The following SLC30A8 variants were observed in gnomAD, a reference collection of about 807,000 sequenced individuals.
The protein encoded by SLC30A8 is solute carrier family 30 member 8.
A neutral mutation model predicts 36.9 loss-of-function variants in SLC30A8; 27 were observed. The observed-to-expected ratio is 0.73, with a 90% CI of 0.54 to 1.01. The LOEUF is 1.01. Among genes scored for constraint, SLC30A8 ranks in the 50% least tolerant of loss-of-function variants. SLC30A8 has a pLI of 0.00. For missense variants in SLC30A8, 439 were observed against 452.0 expected, an observed-to-expected ratio of 0.97 and a Z score of 0.26; for synonymous variants, 164 against 172.4, an observed-to-expected ratio of 0.95 and a Z score of 0.38.
chr8:117,157,955 C>A, intron 4 of SLC30A8, 111 bp downstream of exon 4: 4 of 1,231,318 alleles, frequency 3.2e-6, no homozygotes, highest in Admixed American at 2.2e-5. Context: ...AGAGACTGGA[C>A]AGAGTGTTTG....
At chr8:117,098,010 A>G (rs1483493645) in intron 2 of SLC30A8, among the ~76,000 whole-genome samples, 2 of 131,322 alleles carry the variant, frequency 1.5e-5, no homozygotes, top group East Asian at 2.1e-4. Context: ...TATAATATAT[A>G]TTTATTTTAA....
At chr8:117,095,401 TAGTA>T (rs1246300909) in intron 2 of SLC30A8, among the ~76,000 whole-genome samples, 1 of 152,096 alleles carries the variant, frequency 6.6e-6, no homozygotes, top group Non-Finnish European at 1.5e-5. Context: ...TAACTAGTGT[TAGTA>T]GTTAGTGTTA....
chr8:117,172,471 G>A (rs1200549631), intron 7 of SLC30A8, 65 bp from the exon 8 acceptor site: 17 of 1,608,476 alleles, frequency 1.1e-5, no homozygotes, highest in Non-Finnish European at 1.4e-5. Flanking sequence ...CTTGAAGTTG[G>A]AGTCAGAGCA....
At chr8:117,027,063 C>T (rs1262654760) in intron 1 of SLC30A8, among the ~76,000 whole-genome samples, 1 of 152,168 alleles carries the variant, frequency 6.6e-6, no homozygotes, top group South Asian at 2.1e-4. Flanking sequence ...GGCATTATCA[C>T]TGAGTAGCAC....
intron 1 of SLC30A8, among the ~76,000 whole-genome samples, chr8:116,987,513 C>T (rs1460670061): frequency 2.0e-5 from 3 of 151,920 alleles, no homozygotes; most frequent in Non-Finnish European, 4.4e-5. Context: ...AAATTTAATT[C>T]TACATCTGTT....
At chr8:117,119,390 G>T (rs1820591393) in intron 2 of SLC30A8, among the ~76,000 whole-genome samples, 1 of 151,896 alleles carries the variant, frequency 6.6e-6, no homozygotes, top group South Asian at 2.1e-4. Flanking sequence ...GTTTCTAAAG[G>T]AAAGGGGAAA....
intron 1 of SLC30A8, among the ~76,000 whole-genome samples, chr8:116,999,714 A>G (rs553338368): frequency 2.0e-5 from 3 of 152,298 alleles, no homozygotes; most frequent in South Asian, 2.1e-4. Context: ...TTAGTATCCC[A>G]CTTCACACCA....
intron 1 of SLC30A8, chr8:117,039,189 T>A (rs2130753439): frequency 6.6e-6 from 1 of 152,322 alleles, no homozygotes; most frequent in Non-Finnish European, 1.5e-5. Context: ...CACCTTCAGT[T>A]TAGTTGCTCA....
At chr8:117,133,780 A>G (rs894683232), upstream of SLC30A8, among the ~76,000 whole-genome samples, 3 of 151,980 alleles carry the variant, frequency 2.0e-5, no homozygotes, top group Non-Finnish European at 4.4e-5. Flanking sequence ...TTGTAAGGTT[A>G]AGAGTAAGAA....
chr8:117,044,165 GA>G (rs1817475037), intron 2 of SLC30A8, among the ~76,000 whole-genome samples: 1 of 152,172 alleles, frequency 6.6e-6, no homozygotes, highest in Non-Finnish European at 1.5e-5. Flanking sequence ...TTACCCAAGT[GA>G]AGAGCCTGGG....
At chr8:116,976,652 G>T (rs1480801965) in intron 1 of SLC30A8, among the ~76,000 whole-genome samples, 1 of 152,086 alleles carries the variant, frequency 6.6e-6, no homozygotes, top group South Asian at 2.1e-4. Flanking sequence ...AGCCAGGAGC[G>T]CAGAGGGCAA....
At chr8:117,167,743 T>C (rs182609067) in intron 6 of SLC30A8, among the ~76,000 whole-genome samples, 3 of 152,246 alleles carry the variant, frequency 2.0e-5, no homozygotes, top group Admixed American at 2.0e-4. Context: ...ATGATGTAAT[T>C]ACCACCCTTG....
Position 117,157,845 on chromosome 8 carries a change from G to A in SLC30A8, c.572+1G>A, listed in dbSNP as rs745417013. The stretch of plus-strand genomic sequence containing the variant: ...GCTGCGCAGTGGCGGCCAACATTGT[G>A]TAAGTCATCCCCTGGTCCCCACACA... On this transcript the variant is annotated splice_donor_variant, in intron 4 of 7. Coordinates refer to ENST00000456015, the MANE Select transcript of SLC30A8 (RefSeq NM_173851.3). LOFTEE classifies it high-confidence loss of function. 7 of 1,613,820 alleles carry A rather than the reference G, an allele frequency of 4.3e-6. No individual in the cohort carries two copies. Among genetic ancestry groups the A allele is most frequent in the African/African-American group, 2.7e-5 (2 of 74,908 alleles).
intron 1 of SLC30A8, among the ~76,000 whole-genome samples, chr8:117,036,931 C>T (rs1175477436): frequency 1.3e-5 from 2 of 152,194 alleles, no homozygotes; most frequent in African/African-American, 4.8e-5. Flanking sequence ...TAGAAGGCAG[C>T]TGTCCATTGG....
At chr8:117,053,647 T>C (rs980573777) in intron 2 of SLC30A8, among the ~76,000 whole-genome samples, 2 of 152,200 alleles carry the variant, frequency 1.3e-5, no homozygotes, top group Admixed American at 6.5e-5. Flanking sequence ...AGAACTGAGA[T>C]TGAACCCTTT....
intron 2 of SLC30A8, among the ~76,000 whole-genome samples, chr8:117,114,415 C>G (rs902293558): frequency 3.9e-5 from 6 of 151,978 alleles, no homozygotes; most frequent in South Asian, 2.1e-4. Context: ...GAACTAGCAA[C>G]AATTTGGTGA....
intron 1 of SLC30A8, among the ~76,000 whole-genome samples, chr8:116,965,966 C>T (rs1470984888): frequency 6.6e-6 from 1 of 151,296 alleles, no homozygotes; most frequent in Non-Finnish European, 1.5e-5. Context: ...TCACTGCAAC[C>T]TCTGCCTCCT....
At chr8:117,039,065 T>G (rs905904) in intron 1 of SLC30A8, among the ~76,000 whole-genome samples, 1 of 152,010 alleles carries the variant, frequency 6.6e-6, no homozygotes, top group African/African-American at 2.4e-5. Flanking sequence ...CTGACCTGGA[T>G]CTCAAATAAT....
At chr8:116,991,247 T>C (rs1485968662) in intron 1 of SLC30A8, among the ~76,000 whole-genome samples, 2 of 152,144 alleles carry the variant, frequency 1.3e-5, no homozygotes, top group Non-Finnish European at 2.9e-5. Context: ...GAATCTTTTC[T>C]TTTTTGATGT....
Sources: gnomAD v4.1 joint callset for allele counts (sites outside exome capture counted in the v4.1 genomes callset) on GRCh38, gnomAD v4.1.1 for gene constraint, MANE v1.5 for transcripts, NCBI Gene and HGNC (gene_info 2026-07-23, HGNC 2026-07-21) for gene names.